The following ALMS1 variants were observed in gnomAD, a reference collection of about 807,000 sequenced individuals.
ALMS1 encodes ALMS1 centrosome and basal body associated protein.
Under a neutral mutation model 352.2 loss-of-function variants are expected in ALMS1, and 271 were observed. That is an observed-to-expected ratio of 0.77 (90% confidence interval 0.70 to 0.85). ALMS1 has a LOEUF of 0.85. Ranked by LOEUF, ALMS1 falls within the 40% of genes least tolerant of loss-of-function variation. The pLI, the probability that ALMS1 is intolerant of heterozygous loss-of-function variation, is 0.00. For synonymous variants in ALMS1, 1,865 were observed against 1,761.2 expected (o/e 1.06, Z -1.48); for missense variants, 5,445 against 4,870.7 (o/e 1.12, Z -3.51).
At chr2:73,595,321 G>T (rs1023392806) in intron 16 of ALMS1, among the ~76,000 whole-genome samples, 1 of 152,208 alleles carries the variant, frequency 6.6e-6, no homozygotes, top group Non-Finnish European at 1.5e-5. Flanking sequence ...CCTCTTTGCA[G>T]TCAATCCTTG....
At chr2:73,465,553 A>G (rs1672317347) in intron 9 of ALMS1, among the ~76,000 whole-genome samples, 1 of 152,358 alleles carries the variant, frequency 6.6e-6, no homozygotes, top group South Asian at 2.1e-4. Context: ...AAACCTAGGC[A>G]ATACCATTCA....
chr2:73,546,913 GGA>G (rs1478128278), intron 12 of ALMS1, among the ~76,000 whole-genome samples: 3 of 152,146 alleles, frequency 2.0e-5, no homozygotes, highest in African/African-American at 4.8e-5. Context: ...ACTGGGCATG[GGA>G]GAGAGTTGGT....
intron 11 of ALMS1, among the ~76,000 whole-genome samples, chr2:73,531,532 T>G (rs988032995): frequency 2.6e-5 from 4 of 152,206 alleles, no homozygotes; most frequent in South Asian, 2.1e-4. Flanking sequence ...TTCCAGACTT[T>G]CCCACATCTT....
chr2:73,603,532 A>C (rs1427586254), intron 21 of ALMS1: 6 of 524,708 alleles, frequency 1.1e-5, no homozygotes, highest in Middle Eastern at 3.5e-4. Flanking sequence ...TGCATGTCTT[A>C]GGCTCCTCTT....
chr2:73,538,591 C>T (rs975745599), intron 12 of ALMS1, among the ~76,000 whole-genome samples: 24 of 152,156 alleles, frequency 1.6e-4, no homozygotes, highest in Non-Finnish European at 5.9e-5. Flanking sequence ...CAAGGCATCG[C>T]CTCACCCGGG....
intron 10 of ALMS1, among the ~76,000 whole-genome samples, chr2:73,503,347 T>C (rs1344252418): frequency 6.6e-6 from 1 of 151,552 alleles, no homozygotes; most frequent in Non-Finnish European, 1.5e-5. Context: ...GAATATGCAG[T>C]GTTTGGTTTT....
chr2:73,463,061 T>C (rs150971349), intron 9 of ALMS1, among the ~76,000 whole-genome samples: 34 of 152,144 alleles, frequency 2.2e-4, no homozygotes, highest in African/African-American at 6.7e-4. Flanking sequence ...GACAGAAAGT[T>C]AACAAGGATA....
At chr2:73,468,099 G>A (rs978754947) in intron 9 of ALMS1, among the ~76,000 whole-genome samples, 6 of 151,780 alleles carry the variant, frequency 4.0e-5, no homozygotes, top group African/African-American at 1.5e-4. Context: ...TAATTAAAAG[G>A]AAACATTGAA....
chr2:73,418,451 C>T (rs1434717344), intron 2 of ALMS1, among the ~76,000 whole-genome samples: 2 of 152,176 alleles, frequency 1.3e-5, no homozygotes, highest in African/African-American at 2.4e-5. Flanking sequence ...CCAGCCCTTG[C>T]GTGCACCAAG....
intron 16 of ALMS1, among the ~76,000 whole-genome samples, chr2:73,577,809 G>T (rs1056066540): frequency 2.6e-5 from 4 of 152,112 alleles, no homozygotes; most frequent in Non-Finnish European, 4.4e-5. Context: ...CCTTGCATAT[G>T]ATCTGTCCTT....
chr2:73,388,890 G>A (rs1670589878), intron 1 of ALMS1, among the ~76,000 whole-genome samples: 1 of 152,108 alleles, frequency 6.6e-6, no homozygotes. Context: ...GGGATTACAG[G>A]TGTGAGCCAG....
intron 12 of ALMS1, among the ~76,000 whole-genome samples, chr2:73,536,483 T>A (rs1259763075): frequency 6.6e-6 from 1 of 152,128 alleles, no homozygotes; most frequent in Non-Finnish European, 1.5e-5. Context: ...CACTTGAGAT[T>A]GTTTTTTCAT....
chr2:73,583,373 G>T (rs535957226), intron 16 of ALMS1, among the ~76,000 whole-genome samples: 1 of 151,658 alleles, frequency 6.6e-6, no homozygotes, highest in Non-Finnish European at 1.5e-5. Flanking sequence ...TTGTTGTTGC[G>T]ACTGCTTTAT....
chr2:73,476,151 G>A (rs1156434331), intron 9 of ALMS1, among the ~76,000 whole-genome samples: 1 of 151,998 alleles, frequency 6.6e-6, no homozygotes, highest in Non-Finnish European at 1.5e-5. Context: ...CACAGTATAT[G>A]TCTTTTTGCC....
chr2:73,591,669 G>A (rs1406809358), intron 16 of ALMS1, among the ~76,000 whole-genome samples: 3 of 152,288 alleles, frequency 2.0e-5, no homozygotes, highest in African/African-American at 4.8e-5. Context: ...GACCCCATGA[G>A]GATATCATGA....
chr2:73,598,699 G>T (rs183012422), intron 16 of ALMS1, among the ~76,000 whole-genome samples: 1 of 152,164 alleles, frequency 6.6e-6, no homozygotes, highest in African/African-American at 2.4e-5. Context: ...ATTATTCTGG[G>T]TTAGCCTCCC....
At chr2:73,472,045 A>G (rs1234961495) in intron 9 of ALMS1, among the ~76,000 whole-genome samples, 19 of 152,118 alleles carry the variant, frequency 1.2e-4, no homozygotes, top group Admixed American at 1.1e-3. Context: ...ATGTGACAAC[A>G]TGGATGACCC....
intron 10 of ALMS1, among the ~76,000 whole-genome samples, chr2:73,491,932 C>T: frequency 6.6e-6 from 1 of 152,118 alleles, no homozygotes; most frequent in East Asian, 1.9e-4. Flanking sequence ...TGACTTCCCT[C>T]AAATATTTAG....
intron 9 of ALMS1, among the ~76,000 whole-genome samples, chr2:73,489,046 A>G (rs920082865): frequency 2.0e-5 from 3 of 152,208 alleles, no homozygotes; most frequent in African/African-American, 7.2e-5. Context: ...CCAGGGACCC[A>G]AGCTGGCTGG....
Sources: allele counts gnomAD v4.1 joint callset (sites outside exome capture counted in the v4.1 genomes callset), GRCh38; gene constraint gnomAD v4.1.1; transcripts MANE v1.5; gene names NCBI Gene and HGNC (gene_info 2026-07-23, HGNC 2026-07-21).